The following SLIT3 variants were observed in gnomAD, a reference collection of about 807,000 sequenced individuals.
The protein encoded by SLIT3 is slit guidance ligand 3, also known as slit homolog 3 protein.
In SLIT3, 68 loss-of-function variants were observed where a neutral mutation model predicts 184.0. The observed-to-expected ratio is 0.37, with a 90% CI of 0.30 to 0.45. The LOEUF (loss-of-function observed/expected upper bound fraction) is 0.45, where lower values mean the gene tolerates loss of function less well. Among genes scored for constraint, SLIT3 ranks in the 20% least tolerant of loss-of-function variants. SLIT3 has a pLI of 1.00. For missense variants in SLIT3, 1,707 were observed against 2,026.0 expected, an observed-to-expected ratio of 0.84 and a Z score of 3.02; for synonymous variants, 831 against 828.6, an observed-to-expected ratio of 1.00 and a Z score of -0.05.
intron 4 of SLIT3, among the ~76,000 whole-genome samples, chr5:169,059,414 C>T (rs1252735813): frequency 3.3e-5 from 5 of 152,204 alleles, no homozygotes; most frequent in Non-Finnish European, 7.3e-5. Flanking sequence ...TCCTACAGCA[C>T]AGCCTGCCAG....
At position 169,009,892 on chromosome 5, in the gene SLIT3, T is replaced by C. The variant is rs188519888; in HGVS notation, c.414-126556A>G. The stretch of plus-strand genomic sequence containing the variant: ...TGAACTATTAATTTATATTTATTTT[T>C]CATCTATTTTCTGTTCTTGTTCCTC... On this transcript the variant is annotated intron_variant, in intron 4 of 35. Coordinates refer to ENST00000519560, the MANE Select transcript of SLIT3 (RefSeq NM_003062.4). 7.9e-5 allele frequency among the ~76,000 whole-genome samples: 12 copies of C among 152,348 alleles called. No homozygotes were observed. In the East Asian group the frequency reaches 2.3e-3, roughly 29 times the overall value.
chr5:168,886,161 ATTAATT>A (rs1760200277), intron 4 of SLIT3, among the ~76,000 whole-genome samples: 1 of 152,120 alleles, frequency 6.6e-6, no homozygotes, highest in Non-Finnish European at 1.5e-5. Context: ...TGTAAATTTT[ATTAATT>A]TTATTTTCCA....
intron 10 of SLIT3, among the ~76,000 whole-genome samples, chr5:168,793,813 G>A (rs937546554): frequency 2.6e-5 from 4 of 151,422 alleles, no homozygotes; most frequent in African/African-American, 7.3e-5. Flanking sequence ...GGGGGGGGAT[G>A]CATGGAGAGC....
chr5:168,903,797 G>C (rs1009323189), intron 4 of SLIT3, among the ~76,000 whole-genome samples: 1 of 130,962 alleles, frequency 7.6e-6, no homozygotes, highest in Non-Finnish European at 1.7e-5. Flanking sequence ...GTCCCTCCCA[G>C]CACCTCGTTC....
chr5:168,697,580 C>T (rs1762100207), intron 27 of SLIT3, among the ~76,000 whole-genome samples: 2 of 152,208 alleles, frequency 1.3e-5, no homozygotes, highest in African/African-American at 4.8e-5. Flanking sequence ...TCAGAGATTG[C>T]TCTGACTTGG....
chr5:169,223,049 C>T (rs1298258756), intron 3 of SLIT3, among the ~76,000 whole-genome samples: 1 of 152,132 alleles, frequency 6.6e-6, no homozygotes, highest in African/African-American at 2.4e-5. Flanking sequence ...AATTTAGCTG[C>T]ATGGGTTATT....
intron 5 of SLIT3, among the ~76,000 whole-genome samples, chr5:168,882,178 T>G (rs940577401): frequency 2.6e-5 from 4 of 152,170 alleles, no homozygotes; most frequent in African/African-American, 9.7e-5. Context: ...TGTCTTTTTT[T>G]TAAGCCTCCC....
chr5:168,782,644 T>A (rs527829556), intron 12 of SLIT3, among the ~76,000 whole-genome samples: 2 of 152,282 alleles, frequency 1.3e-5, no homozygotes, highest in East Asian at 3.9e-4. Context: ...CTCCCACCCC[T>A]GGAGTTGGGA....
chr5:168,949,399 A>G (rs1363850190), intron 4 of SLIT3, among the ~76,000 whole-genome samples: 2 of 152,206 alleles, frequency 1.3e-5, no homozygotes, highest in African/African-American at 4.8e-5. Flanking sequence ...ATGTGGTTCC[A>G]TGAAATCTCA....
intron 4 of SLIT3, among the ~76,000 whole-genome samples, chr5:168,999,289 A>G (rs1755622121): frequency 6.6e-6 from 1 of 152,128 alleles, no homozygotes; most frequent in Non-Finnish European, 1.5e-5. Flanking sequence ...GGATACAGTC[A>G]GGTTTCAATC....
intron 2 of SLIT3, among the ~76,000 whole-genome samples, chr5:169,250,565 G>A (rs1765739349): frequency 6.6e-6 from 1 of 152,170 alleles, no homozygotes; most frequent in South Asian, 2.1e-4. Context: ...AGGGCTATTA[G>A]TAAAAAGAAG....
At chr5:168,695,967 T>A (rs1762052240) in intron 28 of SLIT3, among the ~76,000 whole-genome samples, 1 of 152,196 alleles carries the variant, frequency 6.6e-6, no homozygotes, top group South Asian at 2.1e-4. Flanking sequence ...ATAAACACAA[T>A]GCAAGCGCCT....
intron 1 of SLIT3, among the ~76,000 whole-genome samples, chr5:169,277,848 C>G (rs190966457): frequency 1.3e-4 from 20 of 152,324 alleles, no homozygotes; most frequent in Non-Finnish European, 2.9e-5. Flanking sequence ...TTTTCCACAG[C>G]AGCTGCACCA....
intron 20 of SLIT3, among the ~76,000 whole-genome samples, chr5:168,737,428 C>G (rs1320836686): frequency 6.6e-6 from 1 of 152,184 alleles, no homozygotes; most frequent in Non-Finnish European, 1.5e-5. Context: ...TGAGCCCCAT[C>G]CTTTTCCTGT....
At chr5:168,829,106 C>A (rs900388627) in intron 6 of SLIT3, among the ~76,000 whole-genome samples, 1 of 152,184 alleles carries the variant, frequency 6.6e-6, no homozygotes, top group Admixed American at 6.5e-5. Flanking sequence ...TCAAGATAGC[C>A]ATCTTTGATC....
chr5:168,823,124 T>C (rs769302113), intron 7 of SLIT3, 136 bp downstream of exon 7: 25 of 778,072 alleles, frequency 3.2e-5, no homozygotes, highest in Middle Eastern at 4.6e-4. Context: ...CCTTGGTTAA[T>C]AGCAGAAGGA....
rs182535187 is a variant in SLIT3 at position 169,035,615 on chromosome 5, C to T, written c.414-152279G>A. ...AGTGAGCCAAGATCGCACCACTGCACTCCAGCCTGGGTGACAGTGAGACTG... is the reference window on the plus strand; with the variant it reads ...AGTGAGCCAAGATCGCACCACTGCATTCCAGCCTGGGTGACAGTGAGACTG... On this transcript the variant is annotated intron_variant, in intron 4 of 35. Coordinates refer to ENST00000519560, the MANE Select transcript of SLIT3 (RefSeq NM_003062.4). Among the ~76,000 whole-genome samples the T allele has an allele frequency of 4.7e-5, 7 of 148,802 alleles. No homozygotes were observed. In the East Asian group the frequency reaches 1.4e-3, roughly 29 times the overall value.
chr5:168,927,769 T>C (rs904167059), intron 4 of SLIT3, among the ~76,000 whole-genome samples: 1 of 152,258 alleles, frequency 6.6e-6, no homozygotes, highest in Admixed American at 6.5e-5. Flanking sequence ...CATATGTCCT[T>C]GACCATTGAG....
rs115562588 is a variant in SLIT3, at chr5:168,882,991, T to C, written c.485+274A>G. ...AGATGATAATGATGCTGGGCAAAGCTGGCTTGCACCAAGGCTCTGTAGGGC... is the reference window on the plus strand; with the variant it reads ...AGATGATAATGATGCTGGGCAAAGCCGGCTTGCACCAAGGCTCTGTAGGGC... On this transcript the variant is annotated intron_variant, in intron 5 of 35. Coordinates refer to ENST00000519560, the MANE Select transcript of SLIT3 (RefSeq NM_003062.4). 7.4e-3 allele frequency among the ~76,000 whole-genome samples: 1,121 copies of C among 152,332 alleles called. 18 individuals are homozygous for C. The highest frequency in any genetic ancestry group is 0.025 in the African/African-American group (1,053 of 41,578).
Sources: allele counts gnomAD v4.1 joint callset (sites outside exome capture counted in the v4.1 genomes callset), GRCh38; gene constraint gnomAD v4.1.1; transcripts MANE v1.5; gene names NCBI Gene and HGNC (gene_info 2026-07-23, HGNC 2026-07-21).